SLC24A2: variants seen among roughly 807,000 people sequenced by gnomAD.
SLC24A2 encodes solute carrier family 24 member 2, also known as sodium/potassium/calcium exchanger 2.
SLC24A2 carries 36 observed loss-of-function variants against 62.0 expected under a neutral mutation model. The ratio of observed to expected loss-of-function variants is 0.58; its 90% CI spans 0.44 to 0.77. The LOEUF is 0.77. Ranked by LOEUF, SLC24A2 falls within the 30% of genes least tolerant of loss-of-function variation. The pLI is 0.00. For synonymous variants in SLC24A2, 358 were observed against 294.0 expected, an observed-to-expected ratio of 1.22 and a Z score of -2.23; for missense variants, 846 against 817.9, an observed-to-expected ratio of 1.03 and a Z score of -0.42.
chr9:19,927,529 A>T, the SLC24A2 span: 1 of 152,238 alleles, frequency 6.6e-6, no homozygotes, highest in Non-Finnish European at 1.5e-5. Flanking sequence ...GGCAGAACCT[A>T]GTTCTAAGGA....
At chr9:19,979,489 A>G in the SLC24A2 span, among the ~76,000 whole-genome samples, 1 of 152,178 alleles carries the variant, frequency 6.6e-6, no homozygotes, top group Non-Finnish European at 1.5e-5. Flanking sequence ...TTTTGAGTGT[A>G]TTGTTTTAGG....
At position 19,573,436 on chromosome 9, in the gene SLC24A2, T is replaced by A; in HGVS notation, c.1262A>T (p.Asp421Val). 6.2e-7 allele frequency: 1 copy of A among 1,613,490 alleles called. No homozygotes were observed. The highest frequency in any genetic ancestry group is 1.7e-5 in the Admixed American group (1 of 59,982). ...KIELPNSTST[D>V]VEMTPSSDAS... ...ATCACTGGATGGTGTCATTTCAACATCTGTGCTGGTGCTGTTTGGAAGCTC... is the reference window on the plus strand; with the variant it reads ...ATCACTGGATGGTGTCATTTCAACAACTGTGCTGGTGCTGTTTGGAAGCTC... The change falls in exon 7 of 11, where the codon GAT (aspartate) becomes GTT (valine). Residue 421 changes from aspartate to valine, a missense_variant. Asp to Val is a radical substitution (Grantham distance 152). Transcript: ENST00000341998.
At chr9:19,690,323 G>A (rs186166587) in intron 2 of SLC24A2, among the ~76,000 whole-genome samples, 2 of 152,162 alleles carry the variant, frequency 1.3e-5, no homozygotes, top group Admixed American at 6.5e-5. Flanking sequence ...TCGGCTTCAC[G>A]AGGATGCATG....
the SLC24A2 span, among the ~76,000 whole-genome samples, chr9:20,108,266 C>A: frequency 0.11 from 16,614 of 151,714 alleles, 955 homozygotes; most frequent in Middle Eastern, 0.17. Flanking sequence ...TAAACTAGTT[C>A]AACCATTGTG....
the SLC24A2 span, among the ~76,000 whole-genome samples, chr9:19,986,572 G>C: frequency 7.2e-6 from 1 of 138,660 alleles, no homozygotes; most frequent in African/African-American, 2.6e-5. Flanking sequence ...TAAACAAATT[G>C]TGGTATATAT....
At chr9:19,804,378 G>A in the SLC24A2 span, among the ~76,000 whole-genome samples, 1 of 151,926 alleles carries the variant, frequency 6.6e-6, no homozygotes, top group Non-Finnish European at 1.5e-5. Context: ...GTACTCTTTT[G>A]TTAAATTTAA....
At chr9:20,015,151 T>C in the SLC24A2 span, among the ~76,000 whole-genome samples, 2 of 152,240 alleles carry the variant, frequency 1.3e-5, no homozygotes, top group African/African-American at 4.8e-5. Flanking sequence ...GATTCTCTTG[T>C]GTCCCATCTT....
chr9:19,937,145 C>G, the SLC24A2 span, among the ~76,000 whole-genome samples: 1 of 152,162 alleles, frequency 6.6e-6, no homozygotes, highest in Non-Finnish European at 1.5e-5. Context: ...ACATTTGGCT[C>G]TGAGCTGTGC....
intron 8 of SLC24A2, among the ~76,000 whole-genome samples, chr9:19,542,865 G>C (rs7872889): frequency 1.3e-5 from 2 of 152,082 alleles, no homozygotes; most frequent in Non-Finnish European, 2.9e-5. Context: ...TTTTCGCATC[G>C]ATGTTCATCA....
At chr9:20,102,789 T>C in the SLC24A2 span, among the ~76,000 whole-genome samples, 12 of 152,130 alleles carry the variant, frequency 7.9e-5, no homozygotes, top group Non-Finnish European at 1.5e-4. Flanking sequence ...GGGTGATTTC[T>C]GCATTTCCAT....
the SLC24A2 span, among the ~76,000 whole-genome samples, chr9:20,117,138 T>C: frequency 6.6e-6 from 1 of 152,158 alleles, no homozygotes; most frequent in Admixed American, 6.5e-5. Flanking sequence ...CAGCCAAAGA[T>C]AACATCTCCT....
the SLC24A2 span, among the ~76,000 whole-genome samples, chr9:19,987,487 T>C: frequency 6.6e-6 from 1 of 152,140 alleles, no homozygotes; most frequent in Non-Finnish European, 1.5e-5. Context: ...TAGGAACATA[T>C]AGCAAATCTA....
At chr9:20,157,618 C>A in the SLC24A2 span, among the ~76,000 whole-genome samples, 1 of 151,612 alleles carries the variant, frequency 6.6e-6, no homozygotes, top group Non-Finnish European at 1.5e-5. Flanking sequence ...CTCTCAAATA[C>A]AGACAAATAC....
At chr9:19,638,584 T>G (rs897526887) in intron 2 of SLC24A2, among the ~76,000 whole-genome samples, 5 of 152,144 alleles carry the variant, frequency 3.3e-5, no homozygotes, top group African/African-American at 1.2e-4. Context: ...ATATTAAAAA[T>G]AGAGTATAAT....
intron 4 of SLC24A2, among the ~76,000 whole-genome samples, chr9:19,604,281 T>G (rs754856986): frequency 2.0e-5 from 3 of 152,108 alleles, no homozygotes; most frequent in Non-Finnish European, 4.4e-5. Context: ...ACTCTTGGAA[T>G]CCCCTTCATT....
At chr9:19,862,575 C>A in the SLC24A2 span, among the ~76,000 whole-genome samples, 1 of 151,962 alleles carries the variant, frequency 6.6e-6, no homozygotes, top group Non-Finnish European at 1.5e-5. Flanking sequence ...GGTGTATAAA[C>A]TACTCTTAAG....
intron 2 of SLC24A2, among the ~76,000 whole-genome samples, chr9:19,742,071 A>T (rs1003304276): frequency 1.6e-4 from 25 of 152,228 alleles, no homozygotes; most frequent in African/African-American, 5.5e-4. Context: ...ATTGTGAATG[A>T]AACTGATACA....
At chr9:19,871,676 A>G in the SLC24A2 span, among the ~76,000 whole-genome samples, 14 of 152,206 alleles carry the variant, frequency 9.2e-5, no homozygotes, top group Non-Finnish European at 1.8e-4. Flanking sequence ...GGCTAAAACT[A>G]TGTGTAGAAG....
At chr9:20,222,796 C>G in the SLC24A2 span, among the ~76,000 whole-genome samples, 2 of 151,924 alleles carry the variant, frequency 1.3e-5, no homozygotes, top group Non-Finnish European at 2.9e-5. Flanking sequence ...AAAATCGCTG[C>G]CAACTAGAAT....
Sources: allele counts gnomAD v4.1 joint callset (sites outside exome capture counted in the v4.1 genomes callset), GRCh38; gene constraint gnomAD v4.1.1; transcripts MANE v1.5; gene names NCBI Gene and HGNC (gene_info 2026-07-23, HGNC 2026-07-21).